The following NCOA3 variants were observed in gnomAD, a reference collection of about 807,000 sequenced individuals.
NCOA3 encodes CBP-interacting protein.
Under a neutral mutation model 158.8 loss-of-function variants are expected in NCOA3, and 51 were observed. The observed-to-expected ratio is 0.32, with a 90% confidence interval of 0.26 to 0.41. The LOEUF (loss-of-function observed/expected upper bound fraction) is 0.41. Ranked by LOEUF, NCOA3 falls within the 10% of genes least tolerant of loss-of-function variation. The pLI is 1.00. For missense variants in NCOA3, 1,510 were observed against 1,746.6 expected (o/e 0.86, Z 2.41); for synonymous variants, 537 against 592.4 (o/e 0.91, Z 1.36).
chr20:47,522,561 T>C (rs1233544564), intron 1 of NCOA3, among the ~76,000 whole-genome samples: 1 of 152,030 alleles, frequency 6.6e-6, no homozygotes. Context: ...CAGCCAGGTA[T>C]ATATGCAGCG....
At chr20:47,511,911 G>A (rs1414621232) in intron 1 of NCOA3, among the ~76,000 whole-genome samples, 1 of 151,968 alleles carries the variant, frequency 6.6e-6, no homozygotes, top group African/African-American at 2.4e-5. Flanking sequence ...TACTTAATGG[G>A]TACAATGTAT....
chr20:47,626,088 G>A (rs955783289), intron 5 of NCOA3, among the ~76,000 whole-genome samples: 2 of 152,196 alleles, frequency 1.3e-5, no homozygotes, highest in Admixed American at 6.5e-5. Context: ...TGTACGTTTC[G>A]GCTCAGACAT....
At chr20:47,649,373 T>C (rs1489912762) in intron 19 of NCOA3, among the ~76,000 whole-genome samples, 1 of 152,218 alleles carries the variant, frequency 6.6e-6, no homozygotes, top group Non-Finnish European at 1.5e-5. Context: ...TCAGTTGCTG[T>C]ACTGTGAGAA....
At chr20:47,653,370 T>TA (rs1158294786) in intron 22 of NCOA3, 36 bp from the exon 23 acceptor site, 1 of 568,602 alleles carries the variant, frequency 1.8e-6, no homozygotes, top group Non-Finnish European at 2.3e-6. Flanking sequence ...TTTTACTCAT[T>TA]TTTTTTTTTT....
In NCOA3 at chr20:47,639,077, C is replaced by A. The variant is rs956318204; in HGVS notation, c.2582C>A (p.Pro861His). 2 of 1,614,040 alleles carry A rather than the reference C, an allele frequency of 1.2e-6. No homozygotes were observed. Among genetic ancestry groups the A allele is most frequent in the African/African-American group, 2.7e-5 (2 of 74,936 alleles). ...AACCGAGCAGTGTCTCTGGATAGCC[C>A]TGTTTCTGTTGGCTCAAGTCCTCCA... ...PYNRAVSLDS[P>H]VSVGSSPPVK... The change falls in exon 14 of 23, where the codon CCT (proline) becomes CAT (histidine). Residue 861 changes from proline (P) to histidine (H), a missense_variant. Transcript: ENST00000371998.
intron 1 of NCOA3, among the ~76,000 whole-genome samples, chr20:47,529,569 C>T (rs1045301191): frequency 1.3e-5 from 2 of 152,172 alleles, no homozygotes; most frequent in Non-Finnish European, 2.9e-5. Flanking sequence ...CATGCCACCA[C>T]ACCTGGCTAA....
chr20:47,533,037 G>A (rs910484285), intron 1 of NCOA3, among the ~76,000 whole-genome samples: 2 of 147,624 alleles, frequency 1.4e-5, no homozygotes, highest in African/African-American at 2.5e-5. Flanking sequence ...TCTGGGAGAC[G>A]GAGGTTGCAG....
At chr20:47,652,674 G>A in intron 21 of NCOA3, 94 bp downstream of exon 21, 1 of 1,260,994 alleles carries the variant, frequency 7.9e-7, no homozygotes, top group Non-Finnish European at 1.1e-6. Context: ...TGGATGGAGA[G>A]GTTGAAAGGA....
chr20:47,565,651 G>A (rs2085181398), intron 1 of NCOA3, among the ~76,000 whole-genome samples: 1 of 152,146 alleles, frequency 6.6e-6, no homozygotes, highest in East Asian at 1.9e-4. Context: ...GGGAGGCAGA[G>A]GTTGCCTTGA....
chr20:47,578,313 G>A (rs191560765), intron 1 of NCOA3, among the ~76,000 whole-genome samples: 1 of 152,230 alleles, frequency 6.6e-6, no homozygotes, highest in East Asian at 1.9e-4. Context: ...GGCCTCCCGA[G>A]TAGCTGGAAC....
intron 1 of NCOA3, among the ~76,000 whole-genome samples, chr20:47,560,434 A>G (rs1438442431): frequency 6.6e-6 from 1 of 152,158 alleles, no homozygotes; most frequent in African/African-American, 2.4e-5. Context: ...TTGCTGGATC[A>G]TATGGTTAAG....
intron 2 of NCOA3, among the ~76,000 whole-genome samples, chr20:47,588,068 C>T (rs536546143): frequency 1.2e-3 from 183 of 151,438 alleles, no homozygotes; most frequent in Non-Finnish European, 2.1e-3. Flanking sequence ...TACCCAAGAC[C>T]GAGAGTAAAC....
At chr20:47,506,199 T>C (rs1466983752) in intron 1 of NCOA3, among the ~76,000 whole-genome samples, 10 of 152,206 alleles carry the variant, frequency 6.6e-5, no homozygotes, top group Admixed American at 6.5e-4. Flanking sequence ...TTTGTGGTAA[T>C]GAGGCATATT....
intron 1 of NCOA3, among the ~76,000 whole-genome samples, chr20:47,529,128 A>T (rs998545702): frequency 3.5e-4 from 52 of 147,528 alleles, no homozygotes; most frequent in East Asian, 6.0e-4. Flanking sequence ...ATTTAAAAAA[A>T]TTTTTTTTCT....
intron 17 of NCOA3, among the ~76,000 whole-genome samples, chr20:47,645,578 A>G (rs942958332): frequency 6.8e-6 from 1 of 148,000 alleles, no homozygotes; most frequent in African/African-American, 2.6e-5. Context: ...CTACCTTTTA[A>G]GTATTTTTTT....
chr20:47,615,533 C>A (rs1450946571), intron 2 of NCOA3, among the ~76,000 whole-genome samples: 1 of 152,172 alleles, frequency 6.6e-6, no homozygotes, highest in Non-Finnish European at 1.5e-5. Context: ...TGCTGCTAAG[C>A]CATATACCAA....
At chr20:47,580,819 G>A (rs115812805) in intron 1 of NCOA3, among the ~76,000 whole-genome samples, 1,697 of 152,018 alleles carry the variant, frequency 0.011, 34 homozygotes, top group African/African-American at 0.038. Context: ...CATAACATTC[G>A]GTCCGGTATG....
At chr20:47,595,863 T>C (rs1402340262) in intron 2 of NCOA3, among the ~76,000 whole-genome samples, 1 of 152,190 alleles carries the variant, frequency 6.6e-6, no homozygotes, top group African/African-American at 2.4e-5. Context: ...TAGCTCACTA[T>C]TCTGTGTTTC....
chr20:47,622,159 A>G (rs888559487), intron 2 of NCOA3, 70 bp from the exon 3 acceptor site: 2 of 764,010 alleles, frequency 2.6e-6, no homozygotes, highest in African/African-American at 1.8e-5. Context: ...TCATTCAGTC[A>G]TATAACACCT....
Sources: allele counts gnomAD v4.1 joint callset (sites outside exome capture counted in the v4.1 genomes callset), GRCh38; gene constraint gnomAD v4.1.1; transcripts MANE v1.5; gene names NCBI Gene and HGNC (gene_info 2026-07-23, HGNC 2026-07-21).